Variants in TUBGCP3 observed in about 807,000 individuals in gnomAD.
The protein encoded by TUBGCP3 is gamma-tubulin complex component 3.
TUBGCP3 carries 50 observed loss-of-function variants against 123.1 expected under a neutral mutation model. That is an observed-to-expected ratio of 0.41 (90% CI 0.32 to 0.51). The LOEUF is 0.51. TUBGCP3 is among the 20% of genes least tolerant of loss of function. The probability of loss-of-function intolerance (pLI) is 0.36; values close to 1 mark genes in which losing one functional copy is unlikely to be tolerated. For missense variants in TUBGCP3, 882 were observed against 1,127.0 expected (o/e 0.78, Z 3.11); for synonymous variants, 405 against 413.9 (o/e 0.98, Z 0.26).
chr13:112,502,676 G>C (rs1038275853), intron 19 of TUBGCP3, among the ~76,000 whole-genome samples: 1 of 150,660 alleles, frequency 6.6e-6, no homozygotes, highest in Non-Finnish European at 1.5e-5. Context: ...CTCCCCAGTA[G>C]CTGGGAGTAC....
At chr13:112,585,680 G>A (rs1056228219) in intron 1 of TUBGCP3, among the ~76,000 whole-genome samples, 2 of 152,102 alleles carry the variant, frequency 1.3e-5, no homozygotes, top group Non-Finnish European at 2.9e-5. Context: ...GCTGATGCAG[G>A]AGAATCACTT....
At position 112,522,514 on chromosome 13, in the gene TUBGCP3, A is replaced by G; in HGVS notation, c.1556-5T>C. 1 of 1,608,798 alleles carries G rather than the reference A, an allele frequency of 6.2e-7. No individual in the cohort carries two copies. The highest frequency in any genetic ancestry group is 1.1e-5 in the South Asian group (1 of 90,744). ...AGTCTGTGAATAGGTCTGCAGCTGTAAAGAACAACAGGGAAGAGCACACAT... is the reference window on the plus strand; with the variant it reads ...AGTCTGTGAATAGGTCTGCAGCTGTGAAGAACAACAGGGAAGAGCACACAT... On this transcript the variant is annotated splice_polypyrimidine_tract_variant and splice_region_variant and intron_variant, in intron 13 of 21. Coordinates refer to ENST00000261965, the MANE Select transcript of TUBGCP3 (RefSeq NM_006322.6).
the TUBGCP3 span, among the ~76,000 whole-genome samples, chr13:112,594,320 C>T: frequency 6.6e-6 from 1 of 152,198 alleles, no homozygotes; most frequent in Non-Finnish European, 1.5e-5. Context: ...GTTGGGCTAA[C>T]ATCTGAAAGC....
intron 1 of TUBGCP3, among the ~76,000 whole-genome samples, chr13:112,583,674 A>C (rs1882420032): frequency 6.6e-6 from 1 of 152,268 alleles, no homozygotes; most frequent in South Asian, 2.1e-4. Flanking sequence ...GTGTTTCTCA[A>C]GATTCAAAAA....
chr13:112,538,510 G>A (rs1185890714), intron 11 of TUBGCP3, among the ~76,000 whole-genome samples: 1 of 152,004 alleles, frequency 6.6e-6, no homozygotes, highest in Non-Finnish European at 1.5e-5. Flanking sequence ...CAGACTGGAT[G>A]GTCTCAATTG....
intron 11 of TUBGCP3, among the ~76,000 whole-genome samples, chr13:112,533,996 G>A (rs1877813846): frequency 6.6e-6 from 1 of 151,906 alleles, no homozygotes; most frequent in Non-Finnish European, 1.5e-5. Context: ...GAATTTCTTG[G>A]AGCCTGCACT....
chr13:112,503,076 A>T (rs1361539709), intron 19 of TUBGCP3, among the ~76,000 whole-genome samples: 1 of 152,162 alleles, frequency 6.6e-6, no homozygotes, highest in Non-Finnish European at 1.5e-5. Context: ...TTTTCCACTG[A>T]CAGGCCCTGA....
At position 112,554,144 on chromosome 13, in the gene TUBGCP3, C is replaced by G. The variant is rs1879828758; in HGVS notation, c.879G>C (p.Arg293Ser). The G allele has an allele frequency of 6.2e-7, 1 of 1,614,134 alleles. No individual in the cohort carries two copies. ...LSRSLRDTAVRLSELGWLHNK... is the reference protein window; with the variant it reads ...LSRSLRDTAVSLSELGWLHNK... ...TATGCAACCATCCCAACTCAGAAAG[C>G]CTGACTGCTGTGTCTCTCAAAGACC... Residue 293 changes from arginine to serine, a missense_variant, in exon 8 of 22, where the codon AGG (arginine) becomes AGC (serine). By Grantham distance (110) the Arg-to-Ser change is moderately radical. This residue lies in a region of TUBGCP3 where 713 missense variants were observed against 874.0 expected (regional missense o/e 0.82). Coordinates refer to ENST00000261965, the MANE Select transcript of TUBGCP3 (RefSeq NM_006322.6).
intron 20 of TUBGCP3, 164 bp downstream of exon 20, chr13:112,498,881 T>C: frequency 6.2e-7 from 1 of 1,612,604 alleles, no homozygotes; most frequent in African/African-American, 1.3e-5. Flanking sequence ...CCCCTCCCTC[T>C]TTACAACTGT....
intron 11 of TUBGCP3, among the ~76,000 whole-genome samples, chr13:112,540,734 G>A (rs1878457665): frequency 1.3e-5 from 2 of 152,172 alleles, no homozygotes; most frequent in South Asian, 4.1e-4. Flanking sequence ...GCATTCAGGT[G>A]GTCTTGGGAA....
At chr13:112,599,353 T>A in the TUBGCP3 span, among the ~76,000 whole-genome samples, 1 of 152,334 alleles carries the variant, frequency 6.6e-6, no homozygotes, top group Non-Finnish European at 1.5e-5. Context: ...ACGGATAGAA[T>A]CTCCACATAA....
chr13:112,496,333 A>G (rs1880526297), intron 20 of TUBGCP3, among the ~76,000 whole-genome samples: 1 of 152,234 alleles, frequency 6.6e-6, no homozygotes, highest in Non-Finnish European at 1.5e-5. Flanking sequence ...CAATGGCAGC[A>G]TAAGAACATG....
At chr13:112,553,236 C>T (rs965168897) in intron 8 of TUBGCP3, among the ~76,000 whole-genome samples, 89 of 151,788 alleles carry the variant, frequency 5.9e-4, no homozygotes, top group Non-Finnish European at 5.6e-4. Context: ...AGCCACACTA[C>T]AGCACCACAC....
At chr13:112,589,687 A>G (rs557111310), upstream of TUBGCP3, among the ~76,000 whole-genome samples, 3 of 152,374 alleles carry the variant, frequency 2.0e-5, no homozygotes, top group African/African-American at 7.2e-5. Context: ...GGCAAGCCAT[A>G]CTATTGCCAA....
chr13:112,525,537 G>T (rs2139083274), intron 13 of TUBGCP3, among the ~76,000 whole-genome samples: 1 of 152,254 alleles, frequency 6.6e-6, no homozygotes, highest in Middle Eastern at 3.4e-3. Flanking sequence ...TAAATCTTTT[G>T]AATGAACCAT....
intron 18 of TUBGCP3, among the ~76,000 whole-genome samples, chr13:112,504,423 G>A (rs1274574087): frequency 1.3e-5 from 2 of 150,372 alleles, no homozygotes; most frequent in Non-Finnish European, 2.9e-5. Flanking sequence ...AGGAGGCAGA[G>A]GTTGCAGTGA....
At chr13:112,489,731 T>C (rs779588700) in intron 20 of TUBGCP3, 34 bp from the exon 21 acceptor site, 9 of 1,568,096 alleles carry the variant, frequency 5.7e-6, no homozygotes, top group Non-Finnish European at 7.9e-6. Flanking sequence ...GTCAGTAAAA[T>C]CACGATGGAA....
chr13:112,526,045 A>G (rs1877034975), intron 13 of TUBGCP3, among the ~76,000 whole-genome samples: 1 of 152,096 alleles, frequency 6.6e-6, no homozygotes, highest in Non-Finnish European at 1.5e-5. Context: ...GCACATCATC[A>G]TCACCTCCAC....
chr13:112,549,734 A>C (rs540534991), intron 8 of TUBGCP3, among the ~76,000 whole-genome samples: 128 of 152,066 alleles, frequency 8.4e-4, no homozygotes, highest in Non-Finnish European at 1.6e-3. Context: ...TCACGCCTGT[A>C]ATCCTAGCAC....
Sources: allele counts gnomAD v4.1 joint callset (sites outside exome capture counted in the v4.1 genomes callset), GRCh38; gene constraint gnomAD v4.1.1; regional missense constraint gnomAD v4.1.1; transcripts MANE v1.5; gene names NCBI Gene and HGNC (gene_info 2026-07-23, HGNC 2026-07-21).